Variants in SNX25 observed in about 807,000 individuals in gnomAD.
SNX25 encodes sorting nexin 25.
Under a neutral mutation model 113.7 loss-of-function variants are expected in SNX25, and 62 were observed. The ratio of observed to expected loss-of-function variants is 0.55; its 90% CI spans 0.44 to 0.67. The LOEUF is 0.67. SNX25 is among the 30% of genes least tolerant of loss of function. The pLI is 0.00. For synonymous variants in SNX25, 421 were observed against 436.2 expected (o/e 0.97, Z 0.43); for missense variants, 1,014 against 1,161.0 (o/e 0.87, Z 1.84).
chr4:185,264,242 CA>C (rs1302470403), intron 3 of SNX25, among the ~76,000 whole-genome samples, 195 bp from the exon 4 acceptor site: 2 of 151,900 alleles, frequency 1.3e-5, no homozygotes, highest in South Asian at 2.1e-4. Flanking sequence ...ATTTGAAATC[CA>C]AAAAAGGCCA....
At chr4:185,276,359 T>C (rs368077342) in intron 5 of SNX25, among the ~76,000 whole-genome samples, 5 of 152,230 alleles carry the variant, frequency 3.3e-5, no homozygotes, top group Non-Finnish European at 5.9e-5. Flanking sequence ...AGTGATCAAT[T>C]TCTAGTGGTC....
intron 1 of SNX25, among the ~76,000 whole-genome samples, chr4:185,215,562 C>T (rs1287930582): frequency 6.6e-6 from 1 of 152,202 alleles, no homozygotes; most frequent in East Asian, 1.9e-4. Flanking sequence ...AGACTATTTA[C>T]AGCCTCTTTG....
intron 6 of SNX25, among the ~76,000 whole-genome samples, chr4:185,290,905 GAC>G (rs1752075906): frequency 6.6e-6 from 1 of 152,152 alleles, no homozygotes; most frequent in Admixed American, 6.5e-5. Context: ...AAGAAAAAAA[GAC>G]AAATCAGGAA....
At chr4:185,315,056 G>A (rs1420762358) in intron 7 of SNX25, among the ~76,000 whole-genome samples, 3 of 149,906 alleles carry the variant, frequency 2.0e-5, no homozygotes, top group African/African-American at 2.5e-5. Context: ...GTGAAACCCC[G>A]TCTCTACTAA....
chr4:185,341,957 T>G lies in SNX25; in HGVS notation c.2047-19T>G. On this transcript the variant is annotated intron_variant, in intron 11 of 18. Coordinates refer to ENST00000652585, the MANE Select transcript of SNX25 (RefSeq NM_001378034.2). ...TCACCATGCTTTTTGTAAGTATCGATTTTGATGTTTTCCCCAAGGTTACAG... is the reference window on the plus strand; with the variant it reads ...TCACCATGCTTTTTGTAAGTATCGAGTTTGATGTTTTCCCCAAGGTTACAG... 1 of 1,567,228 alleles carries G rather than the reference T, an allele frequency of 6.4e-7. No individual in the cohort carries two copies. Among genetic ancestry groups the G allele is most frequent in the South Asian group, 1.2e-5 (1 of 82,832 alleles).
chr4:185,352,705 A>T (rs1474932527), intron 14 of SNX25, among the ~76,000 whole-genome samples: 1 of 152,200 alleles, frequency 6.6e-6, no homozygotes, highest in Non-Finnish European at 1.5e-5. Flanking sequence ...GAACTCCTCC[A>T]GCCTCTATGA....
At chr4:185,281,537 A>G (rs968096126) in intron 5 of SNX25, among the ~76,000 whole-genome samples, 4 of 152,210 alleles carry the variant, frequency 2.6e-5, no homozygotes, top group Non-Finnish European at 5.9e-5. Flanking sequence ...GAGAGCTCAC[A>G]TTCTTTACTA....
In SNX25 at chr4:185,209,844, C is replaced by T. The variant is rs1737457377; in HGVS notation, c.18C>T (p.Thr6=). The part of the protein sequence containing the change: MHPDA[T]DSGGAGPSPA... ...GAAGCAGCATGCACCCCGATGCGAC[C>T]GACAGTGGCGGCGCCGGCCCCAGCC... is the stretch of plus-strand genomic sequence containing the variant. Residue 6 remains threonine, a synonymous_variant, in exon 1 of 19, where the codon ACC becomes ACT. Coordinates refer to ENST00000652585, the MANE Select transcript of SNX25 (RefSeq NM_001378034.2). This position sits in a 1 kb window ranked among gnomAD's most constrained non-coding sequence, Gnocchi z 5.2. 5.1e-6 allele frequency: 5 copies of T among 983,538 alleles called. No individual in the cohort carries two copies. Among genetic ancestry groups the T allele is most frequent in the Non-Finnish European group, 6.0e-6 (5 of 829,236 alleles). 60.9% of individuals were successfully genotyped at this position (983,538 alleles called of 1,614,324 possible). A position where few individuals can be genotyped will look rare whatever the true frequency, so the allele number is the denominator to read the frequency against.
chr4:185,357,959 C>T (rs1425410605), intron 16 of SNX25, among the ~76,000 whole-genome samples: 1 of 152,222 alleles, frequency 6.6e-6, no homozygotes, highest in African/African-American at 2.4e-5. Context: ...GCTTGAGCTA[C>T]TTCCACACTC....
chr4:185,216,623 G>C (rs1019247869), intron 1 of SNX25, among the ~76,000 whole-genome samples: 1 of 148,340 alleles, frequency 6.7e-6, no homozygotes, highest in Non-Finnish European at 1.5e-5. Context: ...GGGTTCAAGC[G>C]ATTCTCCTGC....
intron 5 of SNX25, among the ~76,000 whole-genome samples, chr4:185,285,859 A>G (rs1369113127): frequency 2.0e-5 from 3 of 152,104 alleles, no homozygotes; most frequent in African/African-American, 7.2e-5. Context: ...TGCAACCTCA[A>G]CCACCCAGGC....
At chr4:185,238,746 A>G (rs1363492093) in intron 1 of SNX25, among the ~76,000 whole-genome samples, 3 of 152,220 alleles carry the variant, frequency 2.0e-5, no homozygotes, top group Admixed American at 1.3e-4. Context: ...AACTCTGTAC[A>G]ACTGTTTTCC....
At chr4:185,263,388 A>AGG (rs2126536586) in intron 3 of SNX25, among the ~76,000 whole-genome samples, 1 of 152,350 alleles carries the variant, frequency 6.6e-6, no homozygotes, top group South Asian at 2.1e-4. Flanking sequence ...AGTTTAAAAT[A>AGG]ATTGAAGATG....
chr4:185,352,535 C>T (rs1306656061), intron 14 of SNX25, among the ~76,000 whole-genome samples: 1 of 152,180 alleles, frequency 6.6e-6, no homozygotes, highest in African/African-American at 2.4e-5. Flanking sequence ...GCTTACCTGT[C>T]TCACCTCCCT....
At chr4:185,326,613 G>A (rs993302502) in intron 9 of SNX25, among the ~76,000 whole-genome samples, 2 of 152,122 alleles carry the variant, frequency 1.3e-5, no homozygotes, top group African/African-American at 4.8e-5. Flanking sequence ...CTCCCAAAAC[G>A]TTGGAACACA....
chr4:185,207,116 C>T (rs1415495366), upstream of SNX25, among the ~76,000 whole-genome samples: 2 of 151,836 alleles, frequency 1.3e-5, no homozygotes, highest in Non-Finnish European at 2.9e-5. Context: ...GACCCAGGGG[C>T]AATCTTCTTG....
intron 7 of SNX25, among the ~76,000 whole-genome samples, chr4:185,311,125 A>C (rs1276605814): frequency 6.6e-6 from 1 of 152,148 alleles, no homozygotes; most frequent in East Asian, 1.9e-4. Flanking sequence ...ACTCCAATCA[A>C]GTTTCCCATT....
At chr4:185,339,653 C>A in intron 11 of SNX25, 143 bp downstream of exon 11, 3 of 1,061,938 alleles carry the variant, frequency 2.8e-6, no homozygotes, top group Non-Finnish European at 4.0e-6. Flanking sequence ...CCTTCCCCCA[C>A]AATTTTCACT....
chr4:185,238,177 ATTAT>A (rs1490754364), intron 1 of SNX25, among the ~76,000 whole-genome samples: 2 of 151,488 alleles, frequency 1.3e-5, no homozygotes, highest in African/African-American at 4.9e-5. Context: ...GATCCCTGAT[ATTAT>A]TTATTTGATC....
Sources: gnomAD v4.1 joint callset for allele counts (sites outside exome capture counted in the v4.1 genomes callset) on GRCh38, gnomAD v4.1.1 for gene constraint, Gnocchi (gnomAD v3.1) non-coding constraint, MANE v1.5 for transcripts, NCBI Gene and HGNC (gene_info 2026-07-23, HGNC 2026-07-21) for gene names.